Variants in RGS6 observed in about 807,000 individuals in gnomAD.
The protein encoded by RGS6 is regulator of G protein signaling 6.
In RGS6, 30 loss-of-function variants were observed where a neutral mutation model predicts 78.5. The ratio of observed to expected loss-of-function variants is 0.38; its 90% CI spans 0.29 to 0.52. The LOEUF is 0.52. Among genes scored for constraint, RGS6 ranks in the 20% least tolerant of loss-of-function variants. RGS6 has a pLI of 0.85. For synonymous variants in RGS6, 206 were observed against 206.0 expected (o/e 1.00, Z 0.00); for missense variants, 495 against 609.7 (o/e 0.81, Z 1.98).
chr14:72,273,321 CT>C (rs927037240), intron 2 of RGS6, among the ~76,000 whole-genome samples: 1 of 151,502 alleles, frequency 6.6e-6, no homozygotes, highest in East Asian at 1.9e-4. Context: ...CCCTCACCAC[CT>C]TTTTTTTTCT....
At chr14:72,016,344 T>A (rs2086968307) in intron 2 of RGS6, among the ~76,000 whole-genome samples, 2 of 152,126 alleles carry the variant, frequency 1.3e-5, no homozygotes, top group Non-Finnish European at 2.9e-5. Context: ...GTGTGTGGCT[T>A]CTGTTCTTTA....
At chr14:72,326,779 C>T (rs1019412270) in intron 2 of RGS6, among the ~76,000 whole-genome samples, 1 of 152,218 alleles carries the variant, frequency 6.6e-6, no homozygotes, top group Non-Finnish European at 1.5e-5. Flanking sequence ...CTTGGTTCGG[C>T]TCACTGCAAG....
At chr14:72,267,815 T>C (rs902323631) in intron 2 of RGS6, among the ~76,000 whole-genome samples, 1 of 152,268 alleles carries the variant, frequency 6.6e-6, no homozygotes, top group East Asian at 1.9e-4. Flanking sequence ...ATTTTAGTGA[T>C]TCCTAATAAA....
the RGS6 span, among the ~76,000 whole-genome samples, chr14:71,897,627 T>G: frequency 6.6e-6 from 1 of 152,104 alleles, no homozygotes; most frequent in African/African-American, 2.4e-5. Context: ...TTCAAGTGAT[T>G]TTCCTGCCTT....
At position 72,383,211 on chromosome 14, in the gene RGS6, T is replaced by TAC. The variant is rs1377005500; in HGVS notation, c.184+31018_184+31019insCA. 7.5e-3 allele frequency among the ~76,000 whole-genome samples: 943 copies of TAC among 126,488 alleles called. 47 individuals carry two copies. The highest frequency in any genetic ancestry group is 0.03 in the African/African-American group (897 of 29,458). The allele number at this position is 126,488 out of a possible 152,430, so 83.0% of individuals were successfully genotyped here. ...ATATATATATATATATATATATATA[T>TAC]ATACACACAAACACACTAGTATGTG... On this transcript the variant is annotated intron_variant, in intron 3 of 17. Transcript: ENST00000553525.
At chr14:72,201,715 A>G (rs2041626460) in intron 2 of RGS6, among the ~76,000 whole-genome samples, 1 of 152,172 alleles carries the variant, frequency 6.6e-6, no homozygotes, top group African/African-American at 2.4e-5. Flanking sequence ...GAGGATGGCA[A>G]ACTCCAGCCC....
At position 72,199,618 on chromosome 14, in the gene RGS6, C is replaced by T. The variant is rs142630090; in HGVS notation, c.85-152477C>T. On this transcript the variant is annotated intron_variant, in intron 2 of 17. Transcript: ENST00000553525. ...CACTGCATGAATTACTTGGGAGGAA[C>T]TTGGTGTGGGAGATGTGATATGCTC... Among the ~76,000 whole-genome samples, 5 of 152,242 alleles carry T rather than the reference C, an allele frequency of 3.3e-5. No individual in the cohort carries two copies. The East Asian group carries it at 9.6e-4, about 29-fold the overall frequency.
intron 1 of RGS6, among the ~76,000 whole-genome samples, chr14:71,961,239 G>A (rs1343762394): frequency 2.0e-5 from 3 of 152,174 alleles, no homozygotes; most frequent in African/African-American, 4.8e-5. Flanking sequence ...ACAGAGACAC[G>A]TGGCATGGAA....
chr14:71,887,661 G>A, the RGS6 span, among the ~76,000 whole-genome samples: 7 of 152,166 alleles, frequency 4.6e-5, no homozygotes, highest in Admixed American at 4.6e-4. Context: ...TGGTAAATTT[G>A]TGGTCAGACC....
chr14:71,879,328 T>C, the RGS6 span, among the ~76,000 whole-genome samples: 13 of 152,314 alleles, frequency 8.5e-5, no homozygotes, highest in East Asian at 2.3e-3. Context: ...GGTTAAGAGC[T>C]TTAAAGACAG....
chr14:72,614,211 C>G, the RGS6 span, among the ~76,000 whole-genome samples: 1 of 152,226 alleles, frequency 6.6e-6, no homozygotes, highest in Non-Finnish European at 1.5e-5. Flanking sequence ...AACCCCCAGA[C>G]AGCTATGGAG....
chr14:72,001,166 G>C (rs1035050397), intron 2 of RGS6, among the ~76,000 whole-genome samples: 6 of 152,134 alleles, frequency 3.9e-5, no homozygotes, highest in African/African-American at 1.4e-4. Context: ...GCAACTGCTC[G>C]CAGTCGCGGT....
chr14:72,462,465 G>T (rs8020145), intron 6 of RGS6, among the ~76,000 whole-genome samples: 273 of 152,274 alleles, frequency 1.8e-3, no homozygotes, highest in African/African-American at 6.0e-3. Flanking sequence ...TCTATAAGAT[G>T]GGGGTAATAA....
chr14:72,180,492 T>G (rs1399552589), intron 2 of RGS6, among the ~76,000 whole-genome samples: 1 of 152,224 alleles, frequency 6.6e-6, no homozygotes, highest in African/African-American at 2.4e-5. Flanking sequence ...CTTGAGAAAA[T>G]CTCAGTCTTG....
intron 2 of RGS6, among the ~76,000 whole-genome samples, chr14:72,180,553 C>T (rs1466646170): frequency 6.6e-6 from 1 of 152,228 alleles, no homozygotes; most frequent in Admixed American, 6.5e-5. Context: ...CTCAGTGATG[C>T]TCCATATCTA....
At chr14:72,248,454 T>C (rs1272951524) in intron 2 of RGS6, among the ~76,000 whole-genome samples, 1 of 152,238 alleles carries the variant, frequency 6.6e-6, no homozygotes, top group African/African-American at 2.4e-5. Flanking sequence ...TAAACACATA[T>C]TTTTTAATTT....
intron 1 of RGS6, among the ~76,000 whole-genome samples, chr14:71,950,685 A>G (rs1314663911): frequency 6.6e-6 from 1 of 152,234 alleles, no homozygotes; most frequent in African/African-American, 2.4e-5. Flanking sequence ...AAGATCTAAT[A>G]TCCAGAGTCT....
intron 2 of RGS6, among the ~76,000 whole-genome samples, chr14:72,098,450 G>A (rs1289829077): frequency 6.6e-6 from 1 of 152,230 alleles, no homozygotes; most frequent in Non-Finnish European, 1.5e-5. Context: ...CAGGCAGGGG[G>A]CATTTGTTCT....
intron 2 of RGS6, among the ~76,000 whole-genome samples, chr14:72,218,355 C>A (rs1384719138): frequency 6.6e-6 from 1 of 151,212 alleles, no homozygotes; most frequent in Non-Finnish European, 1.5e-5. Context: ...GTAGCAGACA[C>A]TGACTCACTG....
Sources: gnomAD v4.1 joint callset for allele counts (sites outside exome capture counted in the v4.1 genomes callset) on GRCh38, gnomAD v4.1.1 for gene constraint, MANE v1.5 for transcripts, NCBI Gene and HGNC (gene_info 2026-07-23, HGNC 2026-07-21) for gene names.